KCND2: variants seen among roughly 807,000 people sequenced by gnomAD.
The protein encoded by KCND2 is A-type voltage-gated potassium channel KCND2.
In KCND2, 16 loss-of-function variants were observed where a neutral mutation model predicts 54.4. The observed-to-expected ratio is 0.29, with a 90% confidence interval of 0.20 to 0.45. The LOEUF (loss-of-function observed/expected upper bound fraction) is 0.45. Among genes scored for constraint, KCND2 ranks in the 20% least tolerant of loss-of-function variants. The pLI, the probability that KCND2 is intolerant of heterozygous loss-of-function variation, is 1.00. For missense variants in KCND2, 486 were observed against 824.2 expected, an observed-to-expected ratio of 0.59 and a Z score of 5.02; for synonymous variants, 317 against 310.7, an observed-to-expected ratio of 1.02 and a Z score of -0.21.
intron 1 of KCND2, among the ~76,000 whole-genome samples, chr7:120,302,326 CT>C (rs1391462053): frequency 1.3e-5 from 2 of 152,176 alleles, no homozygotes; most frequent in Non-Finnish European, 2.9e-5. Context: ...GTGTTGTGAT[CT>C]CAGCTCACTG....
At chr7:120,380,315 T>C (rs1800898222) in intron 1 of KCND2, among the ~76,000 whole-genome samples, 1 of 152,062 alleles carries the variant, frequency 6.6e-6, no homozygotes, top group South Asian at 2.1e-4. Context: ...AATGTCATTG[T>C]CTTTGTCCAT....
chr7:120,607,304 A>G lies in KCND2; in HGVS notation c.1116-125599A>G, dbSNP rs1177863281. Among the ~76,000 whole-genome samples, 4 of 151,842 alleles carry G rather than the reference A, an allele frequency of 2.6e-5. No homozygotes were observed. The East Asian group carries it at 5.8e-4, about 22-fold the overall frequency. ...TTTGGTCAGAGTTCTCATTGCTTTT[A>G]TGAAGGAGAGGTTTTCAGAGGGCCT... On this transcript the variant is annotated intron_variant, in intron 1 of 5. Transcript: ENST00000331113.
At chr7:120,570,812 CAT>C (rs1463242361) in intron 1 of KCND2, among the ~76,000 whole-genome samples, 1 of 152,190 alleles carries the variant, frequency 6.6e-6, no homozygotes, top group African/African-American at 2.4e-5. Flanking sequence ...TTCTCACAAA[CAT>C]AACACCACCA....
intron 1 of KCND2, among the ~76,000 whole-genome samples, chr7:120,628,917 C>G (rs1793193671): frequency 6.6e-6 from 1 of 152,058 alleles, no homozygotes; most frequent in African/African-American, 2.4e-5. Flanking sequence ...GATGAAACCA[C>G]AGTGAAAAGG....
chr7:120,648,681 A>G (rs1391735209), intron 1 of KCND2, among the ~76,000 whole-genome samples: 3 of 152,204 alleles, frequency 2.0e-5, no homozygotes, highest in Non-Finnish European at 4.4e-5. Context: ...TAAATTTCAG[A>G]TTTGGTATTT....
intron 1 of KCND2, among the ~76,000 whole-genome samples, chr7:120,427,988 A>G (rs987588163): frequency 6.6e-6 from 1 of 152,174 alleles, no homozygotes; most frequent in African/African-American, 2.4e-5. Context: ...AGCTGATTCA[A>G]TTGGTTTACA....
intron 1 of KCND2, among the ~76,000 whole-genome samples, chr7:120,319,078 A>T (rs946259060): frequency 2.0e-5 from 3 of 152,008 alleles, no homozygotes; most frequent in African/African-American, 4.8e-5. Flanking sequence ...TCCCTATCAT[A>T]GTTTTACTAC....
At chr7:120,527,047 T>C (rs968335608) in intron 1 of KCND2, among the ~76,000 whole-genome samples, 2 of 152,112 alleles carry the variant, frequency 1.3e-5, no homozygotes, top group African/African-American at 4.8e-5. Context: ...ATTCATTGAG[T>C]AATTATGATG....
intron 1 of KCND2, among the ~76,000 whole-genome samples, chr7:120,503,046 A>C (rs1019697108): frequency 2.6e-5 from 4 of 152,108 alleles, no homozygotes; most frequent in Non-Finnish European, 5.9e-5. Flanking sequence ...AATGCCCACT[A>C]ATCTGTTATC....
chr7:120,512,802 T>C (rs75777130), intron 1 of KCND2, among the ~76,000 whole-genome samples: 3 of 125,004 alleles, frequency 2.4e-5, no homozygotes, highest in East Asian at 4.1e-4. Context: ...TTCTTTTTTC[T>C]TTTTTTTTTT....
intron 1 of KCND2, among the ~76,000 whole-genome samples, chr7:120,481,943 C>G (rs1802613304): frequency 6.6e-6 from 1 of 152,164 alleles, no homozygotes; most frequent in African/African-American, 2.4e-5. Flanking sequence ...TAGGGTAAAA[C>G]TCTGTGGAGC....
chr7:120,311,239 CA>C (rs1235036854), intron 1 of KCND2, among the ~76,000 whole-genome samples: 3 of 152,030 alleles, frequency 2.0e-5, no homozygotes, highest in Non-Finnish European at 2.9e-5. Context: ...CTGACATAAG[CA>C]GAATTTTTGT....
intron 1 of KCND2, among the ~76,000 whole-genome samples, chr7:120,324,698 T>G (rs1165799665): frequency 6.6e-6 from 1 of 151,694 alleles, no homozygotes; most frequent in African/African-American, 2.4e-5. Flanking sequence ...TTTTGGTTAC[T>G]GTAGCCTTGT....
intron 1 of KCND2, among the ~76,000 whole-genome samples, chr7:120,710,763 G>A (rs1792527597): frequency 6.6e-6 from 1 of 152,072 alleles, no homozygotes; most frequent in Non-Finnish European, 1.5e-5. Context: ...TATAAACGTT[G>A]AGGAACTCAC....
intron 1 of KCND2, among the ~76,000 whole-genome samples, chr7:120,359,820 C>T (rs1053387529): frequency 6.6e-6 from 1 of 151,990 alleles, no homozygotes; most frequent in African/African-American, 2.4e-5. Context: ...TGATGCTGTT[C>T]TCGTGATAGT....
chr7:120,740,542 G>C (rs1256944843), intron 2 of KCND2, among the ~76,000 whole-genome samples: 1 of 152,066 alleles, frequency 6.6e-6, no homozygotes, highest in Non-Finnish European at 1.5e-5. Flanking sequence ...TCCAGGAAGG[G>C]AAAACGAGAC....
chr7:120,726,067 C>T (rs1001332245), intron 1 of KCND2, among the ~76,000 whole-genome samples: 12 of 152,050 alleles, frequency 7.9e-5, no homozygotes, highest in Non-Finnish European at 1.6e-4. Context: ...AACAGTAGCT[C>T]ATAATTTGGC....
intron 1 of KCND2, among the ~76,000 whole-genome samples, chr7:120,587,033 T>A (rs1792609037): frequency 6.6e-6 from 1 of 152,176 alleles, no homozygotes; most frequent in African/African-American, 2.4e-5. Context: ...TTTTAAATTA[T>A]TTTTTAAATA....
chr7:120,316,506 A>G (rs1799814430), intron 1 of KCND2, among the ~76,000 whole-genome samples: 1 of 152,230 alleles, frequency 6.6e-6, no homozygotes, highest in African/African-American at 2.4e-5. Context: ...TCAGCATCAC[A>G]CGTGTAGGAA....
Sources: allele counts gnomAD v4.1 joint callset (sites outside exome capture counted in the v4.1 genomes callset), GRCh38; gene constraint gnomAD v4.1.1; transcripts MANE v1.5; gene names NCBI Gene and HGNC (gene_info 2026-07-23, HGNC 2026-07-21).